The following ROBO1 variants were observed in gnomAD, a reference collection of about 807,000 sequenced individuals.
ROBO1 encodes roundabout guidance receptor 1.
In ROBO1, 149 loss-of-function variants were observed where a neutral mutation model predicts 195.9. The observed-to-expected ratio is 0.76, with a 90% confidence interval of 0.67 to 0.87. ROBO1 has a LOEUF of 0.87. ROBO1 is among the 40% of genes least tolerant of loss of function. The pLI is 0.00. For synonymous variants in ROBO1, 816 were observed against 733.2 expected, an observed-to-expected ratio of 1.11 and a Z score of -1.82; for missense variants, 1,933 against 2,068.3, an observed-to-expected ratio of 0.93 and a Z score of 1.27.
intron 2 of ROBO1, among the ~76,000 whole-genome samples, chr3:79,338,870 GTTA>G (rs1279899410): frequency 6.6e-6 from 1 of 151,896 alleles, no homozygotes; most frequent in Non-Finnish European, 1.5e-5. Flanking sequence ...CTGTTTATTT[GTTA>G]TTTCCATTTG....
At chr3:78,618,871 TAAC>T (rs1453253557) in intron 26 of ROBO1, among the ~76,000 whole-genome samples, 5 of 152,136 alleles carry the variant, frequency 3.3e-5, no homozygotes, top group African/African-American at 1.2e-4. Context: ...ACATGAAGAA[TAAC>T]AACAGCTAGA....
chr3:79,700,317 T>TTGTGTGTGTGTGTGTGTGTG (rs71130610), intron 1 of ROBO1, among the ~76,000 whole-genome samples: 109 of 144,248 alleles, frequency 7.6e-4, no homozygotes, highest in African/African-American at 2.7e-3. Flanking sequence ...GTGTGTGTGT[T>TTGTGTGTGTGTGTGTGTGTG]TGTGTGTGTG....
intron 2 of ROBO1, among the ~76,000 whole-genome samples, chr3:79,452,704 AAG>A (rs1431528861): frequency 6.6e-6 from 1 of 152,086 alleles, no homozygotes; most frequent in African/African-American, 2.4e-5. Context: ...TATATACCTG[AAG>A]AGTTTTATTT....
chr3:79,050,017 A>C (rs2108361510), intron 3 of ROBO1, among the ~76,000 whole-genome samples: 1 of 152,282 alleles, frequency 6.6e-6, no homozygotes, highest in Middle Eastern at 3.4e-3. Context: ...CAACCTCATA[A>C]TGACAGGATT....
chr3:79,199,881 A>G (rs1046171127), intron 2 of ROBO1, among the ~76,000 whole-genome samples: 1 of 151,810 alleles, frequency 6.6e-6, no homozygotes, highest in African/African-American at 2.4e-5. Flanking sequence ...TACTGAATAA[A>G]GTGAGGGTGA....
chr3:79,301,768 T>G (rs566110018), intron 2 of ROBO1, among the ~76,000 whole-genome samples: 7 of 152,294 alleles, frequency 4.6e-5, no homozygotes, highest in African/African-American at 1.7e-4. Flanking sequence ...TAGTTATTCT[T>G]CAGACATACT....
intron 2 of ROBO1, among the ~76,000 whole-genome samples, chr3:79,182,568 T>TGTGTGTGC (rs1369326015): frequency 6.6e-6 from 1 of 151,612 alleles, no homozygotes; most frequent in Non-Finnish European, 1.5e-5. Flanking sequence ...TGTGTGTGTG[T>TGTGTGTGC]GTGCGTGCGT....
At chr3:78,711,401 T>TTC (rs2081725901) in intron 8 of ROBO1, among the ~76,000 whole-genome samples, 1 of 54,718 alleles carries the variant, frequency 1.8e-5, no homozygotes, top group Non-Finnish European at 3.7e-5. Flanking sequence ...CTTCCTTCCT[T>TTC]TCTTTCTTTC....
chr3:78,717,713 T>C, intron 6 of ROBO1, 50 bp downstream of exon 6: 1 of 1,588,748 alleles, frequency 6.3e-7, no homozygotes, highest in Admixed American at 1.8e-5. Context: ...AGACACAAAA[T>C]GATAAGAGAT....
chr3:78,756,792 G>A (rs1319884408), intron 4 of ROBO1, among the ~76,000 whole-genome samples: 2 of 152,126 alleles, frequency 1.3e-5, no homozygotes, highest in Admixed American at 6.6e-5. Context: ...GTTCATTCAG[G>A]TCTAGTGGTC....
In ROBO1 at chr3:78,668,105, A is replaced by T. The variant is rs373383394; in HGVS notation, c.1799+29T>A. On this transcript the variant is annotated intron_variant, in intron 13 of 30. Transcript: ENST00000464233. ...GTATTTAATGGAGAATCAAAAAAGA[A>T]CAACTAGGAAGCATCTCCTTCACTC... is the stretch of plus-strand genomic sequence containing the variant. 346 of 1,611,068 alleles carry T rather than the reference A, an allele frequency of 2.1e-4. 2 individuals are homozygous for T. In the Middle Eastern group the frequency reaches 5.6e-3, roughly 26 times the overall value.
rs965304321 is a variant in ROBO1, at chr3:78,756,527, A to G, written c.500-9627T>C. ...TATGGATTTTGTGATTCACTTAATC[A>G]TTCATTCAATAAAAGTACAACACAC... On this transcript the variant is annotated intron_variant, in intron 4 of 30. Coordinates refer to ENST00000464233, the MANE Select transcript of ROBO1 (RefSeq NM_002941.4). Among the ~76,000 whole-genome samples the G allele has an allele frequency of 2.6e-5, 4 of 152,308 alleles. No individual in the cohort carries two copies. In the East Asian group the frequency reaches 7.7e-4, roughly 29 times the overall value.
intron 3 of ROBO1, among the ~76,000 whole-genome samples, chr3:79,110,208 A>G (rs2079860757): frequency 6.6e-6 from 1 of 152,138 alleles, no homozygotes; most frequent in Non-Finnish European, 1.5e-5. Flanking sequence ...AATGTAAGTT[A>G]TTACAGTGAG....
Position 79,726,676 on chromosome 3 carries a change from C to T in ROBO1, c.-51+41076G>A, listed in dbSNP as rs114139761. On this transcript the variant is annotated intron_variant, in intron 1 of 30. Transcript: ENST00000464233. ...ACCTTTTACAATATTCCATTTGTTT[C>T]GCCAACAGCAAGGCTTTGCTGGTGC... Among the ~76,000 whole-genome samples, 718 of 152,192 alleles carry T rather than the reference C, an allele frequency of 4.7e-3. 9 individuals carry two copies. The highest frequency in any genetic ancestry group is 0.017 in the African/African-American group (689 of 41,522).
At chr3:79,564,583 G>T (rs1013077849) in intron 2 of ROBO1, among the ~76,000 whole-genome samples, 12 of 151,972 alleles carry the variant, frequency 7.9e-5, no homozygotes, top group Non-Finnish European at 1.6e-4. Flanking sequence ...ACTTAATGAT[G>T]CTATTATAAA....
At chr3:78,989,226 T>C (rs1198860927) in intron 3 of ROBO1, among the ~76,000 whole-genome samples, 1 of 152,200 alleles carries the variant, frequency 6.6e-6, no homozygotes, top group African/African-American at 2.4e-5. Context: ...AGGATGGATA[T>C]GCTTACCATA....
chr3:78,873,559 C>T lies in ROBO1; in HGVS notation c.499+65042G>A, dbSNP rs145671132. On this transcript the variant is annotated intron_variant, in intron 4 of 30. Transcript: ENST00000464233. ...CTTACCTATGAGTAAATAAAAAATA[C>T]GAAGCCAATTTTGGAAAATATTCCT... Among the ~76,000 whole-genome samples, 27 of 151,928 alleles carry T rather than the reference C, an allele frequency of 1.8e-4. No homozygotes were observed. The East Asian group carries it at 4.8e-3, about 27-fold the overall frequency.
intron 1 of ROBO1, among the ~76,000 whole-genome samples, chr3:79,594,077 A>T (rs1401361064): frequency 1.3e-5 from 2 of 151,992 alleles, no homozygotes; most frequent in East Asian, 3.9e-4. Context: ...TCAAATGATC[A>T]ATTATTTCTC....
chr3:79,454,325 ATG>A (rs1330593532), intron 2 of ROBO1, among the ~76,000 whole-genome samples: 1 of 152,090 alleles, frequency 6.6e-6, no homozygotes, highest in Non-Finnish European at 1.5e-5. Flanking sequence ...TTGTCAAGGC[ATG>A]TTTCCCTCAC....
Sources: allele counts gnomAD v4.1 joint callset (sites outside exome capture counted in the v4.1 genomes callset), GRCh38; gene constraint gnomAD v4.1.1; transcripts MANE v1.5; gene names NCBI Gene and HGNC (gene_info 2026-07-23, HGNC 2026-07-21).